TARBP1: variants seen among roughly 807,000 people sequenced by gnomAD.
TARBP1 encodes the protein tRNA guanosine 2 -O-methyltransferase TARBP1, also known as tRNA (guanosine(18)-2'-O)-methyltransferase TARBP1.
TARBP1 carries 144 observed loss-of-function variants against 178.6 expected under a neutral mutation model. The observed-to-expected ratio is 0.81, with a 90% confidence interval of 0.70 to 0.93. TARBP1 has a LOEUF of 0.93. TARBP1 is among the 40% of genes least tolerant of loss of function. The pLI is 0.00. For synonymous variants in TARBP1, 787 were observed against 781.0 expected (o/e 1.01, Z -0.13); for missense variants, 2,067 against 2,011.7 (o/e 1.03, Z -0.53).
intron 1 of TARBP1, among the ~76,000 whole-genome samples, chr1:234,475,881 T>C (rs998958009): frequency 4.6e-5 from 7 of 152,170 alleles, no homozygotes; most frequent in African/African-American, 1.7e-4. Context: ...TGGGAAAAGT[T>C]TGTAAAGTGC....
Position 234,478,463 on chromosome 1 carries a change from AGCCCGCCCCACACGGCCC to A in TARBP1, c.623_640del (p.Arg208_Gly213del). 1.4e-6 allele frequency: 2 copies of A among 1,382,020 alleles called. No individual in the cohort carries two copies. Among genetic ancestry groups the A allele is most frequent in the Non-Finnish European group, 9.4e-7 (1 of 1,064,584 alleles). 85.6% of individuals were successfully genotyped at this position (1,382,020 alleles called of 1,614,324 possible). ...CCCCAGGGACGCCCCAGGCGCGGCC[AGCCCGCCCCACACGGCCC>A]GCAGCGCCGCCCCGCCACATTGGAC... On this transcript the variant is annotated inframe_deletion, in exon 1 of 30. Coordinates refer to ENST00000040877, the MANE Select transcript of TARBP1 (RefSeq NM_005646.4).
chr1:234,440,969 A>G (rs921647164), intron 12 of TARBP1, among the ~76,000 whole-genome samples: 2 of 152,172 alleles, frequency 1.3e-5, no homozygotes, highest in African/African-American at 4.8e-5. Context: ...AGATCGCCTG[A>G]GGTCAGGAGT....
At chr1:234,399,281 G>C (rs552181828) in intron 25 of TARBP1, among the ~76,000 whole-genome samples, 1 of 152,294 alleles carries the variant, frequency 6.6e-6, no homozygotes, top group South Asian at 2.1e-4. Context: ...AATACTCTTA[G>C]CAGCAATGCA....
In TARBP1 at chr1:234,429,768, G is replaced by T. The variant is rs1298252609; in HGVS notation, c.2610-91C>A. 2.1e-5 allele frequency: 18 copies of T among 838,886 alleles called. No homozygotes were observed. In the African/African-American group the frequency reaches 4.2e-4, roughly 20 times the overall value. The allele number at this position is 838,886 out of a possible 1,614,324, so 52.0% of individuals were successfully genotyped here. ...GCACACTATCCTTTCTAAAGGTGGGGGGGGGGGGGCAGTGTACAGATATAA... is the reference window on the plus strand; with the variant it reads ...GCACACTATCCTTTCTAAAGGTGGGTGGGGGGGGGCAGTGTACAGATATAA... On this transcript the variant is annotated intron_variant, in intron 15 of 29. Coordinates refer to ENST00000040877, the MANE Select transcript of TARBP1 (RefSeq NM_005646.4).
chr1:234,473,194 T>C (rs115816402), intron 1 of TARBP1, among the ~76,000 whole-genome samples: 1 of 152,118 alleles, frequency 6.6e-6, no homozygotes, highest in Non-Finnish European at 1.5e-5. Context: ...ACTCAAGTCA[T>C]GAGAATTTTA....
In TARBP1 at chr1:234,478,786, C is replaced by G. The variant is rs1669840789; in HGVS notation, c.318G>C (p.Ser106=). ...GCGGACGCCCGGCCAGGCGGACGCA[C>G]GAGCGCAGGGCCGCGCCCGCCGCCC... ...VLRAAGAALR[S]CVRLAGRPQL... Residue 106 remains serine (S), a synonymous_variant, in exon 1 of 30, where the codon TCG becomes TCC. Transcript: ENST00000040877. 6 of 1,127,244 alleles carry G rather than the reference C, an allele frequency of 5.3e-6. No homozygotes were observed. Among genetic ancestry groups the G allele is most frequent in the Non-Finnish European group, 5.4e-6 (5 of 923,424 alleles). 69.8% of individuals were successfully genotyped at this position (1,127,244 alleles called of 1,614,324 possible).
chr1:234,464,516 A>G (rs546761536), intron 5 of TARBP1, among the ~76,000 whole-genome samples: 3 of 152,314 alleles, frequency 2.0e-5, no homozygotes, highest in East Asian at 3.9e-4. Flanking sequence ...CTCTTAGAAA[A>G]CACCAAGATC....
At chr1:234,446,760 T>C (rs769066140) in intron 12 of TARBP1, 43 bp downstream of exon 12, 2 of 1,593,072 alleles carry the variant, frequency 1.3e-6, no homozygotes. Flanking sequence ...TAAATACCAA[T>C]GCTATATCAA....
At chr1:234,460,471 G>A (rs1045799739) in intron 6 of TARBP1, 75 bp from the exon 7 acceptor site, 8 of 1,488,914 alleles carry the variant, frequency 5.4e-6, no homozygotes, top group African/African-American at 4.2e-5. Flanking sequence ...TTAGGTATTA[G>A]GGAAATACAA....
chr1:234,462,198 C>T lies in TARBP1; in HGVS notation c.1399+1639G>A, dbSNP rs572665517. Among the ~76,000 whole-genome samples, 13 of 152,326 alleles carry T rather than the reference C, an allele frequency of 8.5e-5. No homozygotes were observed. In the South Asian group the frequency reaches 2.7e-3, roughly 32 times the overall value. Reference sequence around the variant, plus strand: ...GCCAAGTTTCTATTTCACATCGATTCAACATATTTACCAAGCATCTGTGAT... The same window carrying T: ...GCCAAGTTTCTATTTCACATCGATTTAACATATTTACCAAGCATCTGTGAT... On this transcript the variant is annotated intron_variant, in intron 6 of 29. Transcript: ENST00000040877.
intron 14 of TARBP1, among the ~76,000 whole-genome samples, chr1:234,432,532 G>A (rs1193149861): frequency 6.6e-6 from 1 of 152,124 alleles, no homozygotes; most frequent in African/African-American, 2.4e-5. Flanking sequence ...GGCATAAAGA[G>A]CAACAGGAAG....
At chr1:234,446,754 T>C (rs1238802073) in intron 12 of TARBP1, 49 bp downstream of exon 12, 2 of 1,522,808 alleles carry the variant, frequency 1.3e-6, no homozygotes, top group Non-Finnish European at 1.8e-6. Flanking sequence ...GAACTCTAAA[T>C]ACCAATGCTA....
intron 8 of TARBP1, among the ~76,000 whole-genome samples, chr1:234,458,249 C>A (rs1312341010): frequency 2.0e-5 from 3 of 152,044 alleles, no homozygotes; most frequent in Non-Finnish European, 4.4e-5. Flanking sequence ...GAGGCTGAGG[C>A]AGGAGAATCA....
intron 1 of TARBP1, among the ~76,000 whole-genome samples, chr1:234,475,276 C>T (rs1011706639): frequency 3.9e-5 from 6 of 152,194 alleles, no homozygotes; most frequent in Admixed American, 1.3e-4. Context: ...CCCCCTGGAC[C>T]CTTCTCCGAC....
chr1:234,478,775 A>G lies in TARBP1; in HGVS notation c.329T>C (p.Leu110Pro). 9.1e-7 allele frequency: 1 copy of G among 1,099,556 alleles called. No individual in the cohort carries two copies. Among genetic ancestry groups the G allele is most frequent in the East Asian group, 5.5e-5 (1 of 18,232 alleles). The allele number at this position is 1,099,556 out of a possible 1,614,324, so 68.1% of individuals were successfully genotyped here. A position where few individuals can be genotyped will look rare whatever the true frequency, so the allele number is the denominator to read the frequency against. The stretch of plus-strand genomic sequence containing the variant: ...GGCCGCCAGCTGCGGACGCCCGGCC[A>G]GGCGGACGCACGAGCGCAGGGCCGC... ...AGAALRSCVR[L>P]AGRPQLAAAL... Residue 110 changes from leucine (L) to proline (P), a missense_variant, in exon 1 of 30, where the codon CTG becomes CCG. Coordinates refer to ENST00000040877, the MANE Select transcript of TARBP1 (RefSeq NM_005646.4).
chr1:234,417,017 T>C (rs777245580), intron 22 of TARBP1, among the ~76,000 whole-genome samples: 2 of 151,982 alleles, frequency 1.3e-5, no homozygotes, highest in African/African-American at 2.4e-5. Context: ...ATCAGCACAA[T>C]AGGAAGGGAA....
intron 3 of TARBP1, among the ~76,000 whole-genome samples, chr1:234,470,390 T>C (rs1424711202): frequency 1.3e-5 from 2 of 152,126 alleles, no homozygotes; most frequent in Non-Finnish European, 2.9e-5. Context: ...AATGATAGGA[T>C]ATCTAGGGAT....
chr1:234,459,434 A>T, intron 7 of TARBP1, 108 bp from the exon 8 acceptor site: 3 of 797,522 alleles, frequency 3.8e-6, no homozygotes, highest in Non-Finnish European at 5.9e-6. Context: ...TAATGCAGAA[A>T]GTCTGCAGAA....
At chr1:234,433,624 C>T in intron 13 of TARBP1, 53 bp from the exon 14 acceptor site, 2 of 1,523,636 alleles carry the variant, frequency 1.3e-6, no homozygotes, top group Non-Finnish European at 1.8e-6. Context: ...ATGATTTTCA[C>T]AAAACTACAA....
Sources: allele counts gnomAD v4.1 joint callset (sites outside exome capture counted in the v4.1 genomes callset), GRCh38; gene constraint gnomAD v4.1.1; transcripts MANE v1.5; gene names NCBI Gene and HGNC (gene_info 2026-07-23, HGNC 2026-07-21).